TCF3: variants seen among roughly 807,000 people sequenced by gnomAD.
TCF3 encodes the protein transcription factor 3.
In TCF3, 54 loss-of-function variants were observed where a neutral mutation model predicts 72.3. The ratio of observed to expected loss-of-function variants is 0.75; its 90% CI spans 0.60 to 0.94. TCF3 has a LOEUF of 0.94. TCF3 is among the 40% of genes least tolerant of loss of function. TCF3 has a pLI of 0.00. For synonymous variants in TCF3, 525 were observed against 412.6 expected, an observed-to-expected ratio of 1.27 and a Z score of -3.30; for missense variants, 1,078 against 934.4, an observed-to-expected ratio of 1.15 and a Z score of -2.00.
intron 5 of TCF3, among the ~76,000 whole-genome samples, chr19:1,629,501 G>A (rs897863016): frequency 4.6e-5 from 7 of 151,966 alleles, no homozygotes; most frequent in African/African-American, 1.7e-4. Context: ...CAGCATGGAA[G>A]GCCTGGGCTA....
chr19:1,622,250 G>T, intron 9 of TCF3, 27 bp from the exon 10 acceptor site: 1 of 1,515,772 alleles, frequency 6.6e-7, no homozygotes, highest in Non-Finnish European at 8.8e-7. Context: ...GTAAGGTGGG[G>T]GCCGAGTGGG....
At chr19:1,641,625 G>C (rs1482720650) in intron 3 of TCF3, among the ~76,000 whole-genome samples, 1 of 152,106 alleles carries the variant, frequency 6.6e-6, no homozygotes, top group African/African-American at 2.4e-5. Context: ...GCTAATTTTT[G>C]TATTTTTAGC....
intron 18 of TCF3, among the ~76,000 whole-genome samples, chr19:1,613,465 G>T (rs754926814): frequency 6.6e-6 from 1 of 152,288 alleles, no homozygotes; most frequent in Non-Finnish European, 1.5e-5. Flanking sequence ...GCAGGGCTGG[G>T]GGCAGGGGAG....
chr19:1,631,925 C>T (rs1323506860), intron 5 of TCF3, 113 bp downstream of exon 5: 1 of 1,544,188 alleles, frequency 6.5e-7, no homozygotes, highest in Non-Finnish European at 8.7e-7. Flanking sequence ...CTGTCCACAC[C>T]CTCTGGGTGA....
In TCF3 at chr19:1,615,853, C is replaced by T. The variant is rs41275838; in HGVS notation, c.1451-32G>A. On this transcript the variant is annotated intron_variant, in intron 16 of 18. Transcript: ENST00000262965. The surrounding 1 kb of genome is among the most constrained non-coding windows in gnomAD (Gnocchi z 7.3). ...CAGGCCTAGGGTCAGGGGCCTGCGT[C>T]GGCCTCCAGGGCCAACTGACATATC... 285,457 of 1,506,076 alleles carry T rather than the reference C, an allele frequency of 0.19. 28,813 individuals carry two copies. Among genetic ancestry groups the T allele is most frequent in the Non-Finnish European group, 0.2 (230,757 of 1,127,646 alleles). 93.3% of individuals were successfully genotyped at this position (1,506,076 alleles called of 1,614,324 possible). A position where few individuals can be genotyped will look rare whatever the true frequency, so the allele number is the denominator to read the frequency against.
rs1260953872 is a variant in TCF3, at chr19:1,617,953, G to A, written c.1450+1158C>T. Among the ~76,000 whole-genome samples, 3 of 152,150 alleles carry A rather than the reference G, an allele frequency of 2.0e-5. No individual in the cohort carries two copies. In the East Asian group the frequency reaches 5.8e-4, roughly 29 times the overall value. ...GCTGCGGTGAGATGCCCTGGCCTAG[G>A]AGTGATAGAATCAAGGTACTTGGAA... On this transcript the variant is annotated intron_variant, in intron 16 of 18. Coordinates refer to ENST00000262965, the MANE Select transcript of TCF3 (RefSeq NM_003200.5).
chr19:1,624,752 G>A (rs2062678631), intron 7 of TCF3, among the ~76,000 whole-genome samples: 3 of 152,230 alleles, frequency 2.0e-5, no homozygotes, highest in Admixed American at 2.0e-4. Flanking sequence ...GCCCAGCCAA[G>A]GCGGAACAGA....
At chr19:1,632,240 G>GC in intron 4 of TCF3, 92 bp downstream of exon 4, 1 of 1,541,556 alleles carries the variant, frequency 6.5e-7, no homozygotes, top group Non-Finnish European at 8.8e-7. Context: ...TGGAAGGCTG[G>GC]CCCCTTCTCT....
At position 1,620,965 on chromosome 19, in the gene TCF3, G is replaced by A; in HGVS notation, c.1093+3C>T. On this transcript the variant is annotated splice_donor_region_variant and intron_variant, in intron 13 of 18. Coordinates refer to ENST00000262965, the MANE Select transcript of TCF3 (RefSeq NM_003200.5). ...CTCCCCTCCCCCCAAAACCCTCACAGACCTGCCAGGCCCTGGGGGGAGCCC... is the reference window on the plus strand; with the variant it reads ...CTCCCCTCCCCCCAAAACCCTCACAAACCTGCCAGGCCCTGGGGGGAGCCC... 6.8e-7 allele frequency: 1 copy of A among 1,478,806 alleles called. No individual in the cohort carries two copies. Among genetic ancestry groups the A allele is most frequent in the Non-Finnish European group, 9.0e-7 (1 of 1,115,854 alleles). The allele number at this position is 1,478,806 out of a possible 1,614,324, so 91.6% of individuals were successfully genotyped here. A position where few individuals can be genotyped will look rare whatever the true frequency, so the allele number is the denominator to read the frequency against.
At chr19:1,642,055 A>G (rs1268940718) in intron 3 of TCF3, among the ~76,000 whole-genome samples, 2 of 152,022 alleles carry the variant, frequency 1.3e-5, no homozygotes. Context: ...TAAAAAAAAA[A>G]AATCGTACAG....
At chr19:1,623,928 C>A (rs1599648779) in intron 8 of TCF3, 23 bp downstream of exon 8, 2 of 1,612,558 alleles carry the variant, frequency 1.2e-6, no homozygotes, top group East Asian at 4.5e-5. Context: ...GCTGTGGGGT[C>A]CCTTCTCCCT....
At chr19:1,630,617 C>A (rs367802434) in intron 5 of TCF3, among the ~76,000 whole-genome samples, 1 of 152,192 alleles carries the variant, frequency 6.6e-6, no homozygotes, top group African/African-American at 2.4e-5. Context: ...GCAGCGCACA[C>A]CCCCACTGCA....
rs779096921 is a variant in TCF3 at position 1,622,189 on chromosome 19, A to C, written c.687T>G (p.Ser229Arg). The C allele has an allele frequency of 3.2e-6, 5 of 1,564,894 alleles. No individual in the cohort carries two copies. In the African/African-American group the frequency reaches 6.8e-5, roughly 21 times the overall value. The change falls in exon 10 of 19, where the codon AGT becomes AGG. Residue 229 changes from serine to arginine, a missense_variant. By Grantham distance (110) the Ser-to-Arg change is moderately radical. Transcript: ENST00000262965. ...GCCCGAAGCCCGCCTGGCCCGGGGG[A>C]CTCCAGAGCTCGGCTGAGGGGTGCA... Reference protein sequence around the residue: ...GSLHPSAELWSPPGQAGFGPM... With the variant: ...GSLHPSAELWRPPGQAGFGPM...
intron 1 of TCF3, chr19:1,651,049 C>A (rs2066950990): frequency 4.3e-6 from 1 of 232,206 alleles, no homozygotes; most frequent in Non-Finnish European, 8.5e-6. Context: ...ACATCCCTTG[C>A]CTGCCCTCCA....
chr19:1,611,230 T>C lies in TCF3; in HGVS notation c.*477A>G. On this transcript the variant is annotated 3_prime_UTR_variant, in exon 19 of 19. Transcript: ENST00000262965. The stretch of plus-strand genomic sequence containing the variant: ...ATTTCGCTTAGGCACAATTTGCTGG[T>C]GGCTTTAGAAGAATAAGCCAGGTTT... The C allele has an allele frequency of 6.9e-6, 2 of 290,632 alleles. No homozygotes were observed. The highest frequency in any genetic ancestry group is 1.3e-5 in the Non-Finnish European group (2 of 157,354). 18.0% of individuals were successfully genotyped at this position (290,632 alleles called of 1,614,324 possible). A position where few individuals can be genotyped will look rare whatever the true frequency, so the allele number is the denominator to read the frequency against.
chr19:1,635,598 A>C (rs1348938635), intron 3 of TCF3, among the ~76,000 whole-genome samples: 1 of 151,546 alleles, frequency 6.6e-6, no homozygotes, highest in African/African-American at 2.4e-5. Context: ...ACCCACCCTC[A>C]ACGTCTTCAT....
At chr19:1,647,070 GC>G (rs1381262719) in intron 2 of TCF3, among the ~76,000 whole-genome samples, 2 of 152,202 alleles carry the variant, frequency 1.3e-5, no homozygotes, top group African/African-American at 4.8e-5. Flanking sequence ...GGAGCCCCGG[GC>G]CCGGCAGGAA....
intron 7 of TCF3, 104 bp downstream of exon 7, chr19:1,625,472 C>T (rs984698647): frequency 2.8e-5 from 38 of 1,353,588 alleles, no homozygotes; most frequent in Middle Eastern, 5.4e-4. Context: ...CTGGAAGGTG[C>T]GGGGTCTGCT....
At chr19:1,649,581 T>C (rs2066675841) in intron 2 of TCF3, among the ~76,000 whole-genome samples, 1 of 152,054 alleles carries the variant, frequency 6.6e-6, no homozygotes, top group African/African-American at 2.4e-5. Flanking sequence ...TAGCTAATTT[T>C]TTGAGTTTTG....
Sources: allele counts gnomAD v4.1 joint callset (sites outside exome capture counted in the v4.1 genomes callset), GRCh38; gene constraint gnomAD v4.1.1; non-coding constraint Gnocchi (gnomAD v3.1); transcripts MANE v1.5; gene names NCBI Gene and HGNC (gene_info 2026-07-23, HGNC 2026-07-21).